The following MBD5 variants were observed in gnomAD, a reference collection of about 807,000 sequenced individuals.
MBD5 encodes methyl-CpG-binding domain protein 5.
Under a neutral mutation model 117.3 loss-of-function variants are expected in MBD5, and 13 were observed. The observed-to-expected ratio is 0.11, with a 90% CI of 0.07 to 0.18. The LOEUF is 0.18. Ranked by LOEUF, MBD5 falls within the 10% of genes least tolerant of loss-of-function variation. The probability of loss-of-function intolerance (pLI) is 1.00; values close to 1 mark genes in which losing one functional copy is unlikely to be tolerated. For synonymous variants in MBD5, 727 were observed against 766.4 expected (o/e 0.95, Z 0.85); for missense variants, 1,879 against 2,093.8 (o/e 0.90, Z 2.00).
intron 3 of MBD5, among the ~76,000 whole-genome samples, chr2:148,255,133 G>A (rs575466273): frequency 3.9e-5 from 6 of 152,316 alleles, no homozygotes; most frequent in Admixed American, 6.5e-5. Flanking sequence ...GTTAACCTAC[G>A]GTCAAAACGA....
At chr2:148,342,780 C>A (rs1407433936) in intron 4 of MBD5, among the ~76,000 whole-genome samples, 1 of 151,848 alleles carries the variant, frequency 6.6e-6, no homozygotes, top group Non-Finnish European at 1.5e-5. Context: ...TTCTCCTCAA[C>A]TTTTATTTTA....
chr2:148,307,473 G>A (rs1206414175), intron 3 of MBD5, among the ~76,000 whole-genome samples: 1 of 136,314 alleles, frequency 7.3e-6, no homozygotes, highest in Non-Finnish European at 1.6e-5. Context: ...TAAAACAACA[G>A]TCATCTTACT....
chr2:148,262,298 A>C (rs1314149806), intron 3 of MBD5, among the ~76,000 whole-genome samples: 1 of 152,134 alleles, frequency 6.6e-6, no homozygotes, highest in Admixed American at 6.6e-5. Flanking sequence ...AGATCAAGGA[A>C]TGTTTACCAG....
intron 4 of MBD5, among the ~76,000 whole-genome samples, chr2:148,436,627 C>T (rs1706164923): frequency 6.6e-6 from 1 of 152,160 alleles, no homozygotes; most frequent in Admixed American, 6.5e-5. Context: ...CTGCCTCAGC[C>T]TCCCAAAGTG....
At chr2:148,479,754 G>A (rs1337778651) in intron 8 of MBD5, among the ~76,000 whole-genome samples, 9 of 147,560 alleles carry the variant, frequency 6.1e-5, no homozygotes, top group African/African-American at 2.0e-4. Flanking sequence ...CTTCTGCATA[G>A]AGGCCCTTTA....
intron 4 of MBD5, among the ~76,000 whole-genome samples, chr2:148,377,950 G>T (rs1704037174): frequency 1.3e-5 from 2 of 152,118 alleles, no homozygotes; most frequent in East Asian, 1.9e-4. Context: ...TGAAATAAAA[G>T]TATCCATTTT....
At chr2:148,363,824 C>A (rs1339985445) in intron 4 of MBD5, among the ~76,000 whole-genome samples, 1 of 152,102 alleles carries the variant, frequency 6.6e-6, no homozygotes, top group Non-Finnish European at 1.5e-5. Context: ...CAAACAAACC[C>A]TCCAAGAAAT....
chr2:148,409,544 A>T (rs921320940), intron 4 of MBD5, among the ~76,000 whole-genome samples: 2 of 152,076 alleles, frequency 1.3e-5, no homozygotes, highest in African/African-American at 4.8e-5. Context: ...AGTGTTTTCT[A>T]AAAGTTATTC....
At chr2:148,169,148 C>G (rs1433464273) in intron 1 of MBD5, among the ~76,000 whole-genome samples, 1 of 151,958 alleles carries the variant, frequency 6.6e-6, no homozygotes, top group African/African-American at 2.4e-5. Flanking sequence ...TGCTATCCTT[C>G]TAAAAATTTT....
intron 11 of MBD5, among the ~76,000 whole-genome samples, chr2:148,492,204 T>A (rs1284897073): frequency 6.6e-6 from 1 of 151,922 alleles, no homozygotes; most frequent in Non-Finnish European, 1.5e-5. Context: ...AAAAATATTT[T>A]TCTTCACTTA....
chr2:148,460,916 T>C (rs1007604533), intron 5 of MBD5, among the ~76,000 whole-genome samples: 3 of 152,118 alleles, frequency 2.0e-5, no homozygotes, highest in African/African-American at 7.2e-5. Flanking sequence ...ACATGAAAAA[T>C]CAACAAGACA....
intron 3 of MBD5, among the ~76,000 whole-genome samples, chr2:148,320,035 G>A (rs1025957972): frequency 3.3e-5 from 5 of 152,042 alleles, no homozygotes; most frequent in African/African-American, 9.7e-5. Context: ...TTCTTAGTTC[G>A]TTTTGTGATG....
intron 3 of MBD5, chr2:148,296,046 T>C (rs906647220): frequency 3.5e-5 from 6 of 170,424 alleles, no homozygotes; most frequent in Admixed American, 6.5e-5. Flanking sequence ...ATATATTTTG[T>C]TCTATATCAC....
At chr2:148,501,005 A>G (rs1681855255) in intron 11 of MBD5, among the ~76,000 whole-genome samples, 1 of 152,190 alleles carries the variant, frequency 6.6e-6, no homozygotes, top group Non-Finnish European at 1.5e-5. Context: ...GTGAAGTGTT[A>G]TTGGAACAAA....
intron 3 of MBD5, among the ~76,000 whole-genome samples, chr2:148,253,201 T>C (rs1242916578): frequency 6.6e-6 from 1 of 152,200 alleles, no homozygotes; most frequent in African/African-American, 2.4e-5. Flanking sequence ...TCATCTTCAC[T>C]ACAGACTGAG....
In MBD5 at chr2:148,290,550, C is replaced by T. The variant is rs879685112; in HGVS notation, c.-679-51664C>T. On this transcript the variant is annotated intron_variant, in intron 3 of 13. Coordinates refer to ENST00000642680, the MANE Select transcript of MBD5 (RefSeq NM_001378120.1). ...CATACCTTAACTGACCTTCTGTTGA[C>T]TTATCAATACTAAGCCATTTAGTGA... Among the ~76,000 whole-genome samples the T allele has an allele frequency of 5.2e-4, 79 of 152,114 alleles. 1 individual carries two copies. Among genetic ancestry groups the T allele is most frequent in the African/African-American group, 1.9e-3 (77 of 41,424 alleles).
At chr2:148,297,891 C>A (rs1469546776) in intron 3 of MBD5, among the ~76,000 whole-genome samples, 3 of 152,320 alleles carry the variant, frequency 2.0e-5, no homozygotes, top group Non-Finnish European at 1.5e-5. Flanking sequence ...AAAGTCAGTT[C>A]TCTTGGGGAG....
Position 148,111,625 on chromosome 2 carries a change from A to G in MBD5, c.-924-67075A>G, listed in dbSNP as rs554519426. Among the ~76,000 whole-genome samples the G allele has an allele frequency of 9.8e-5, 15 of 152,330 alleles. No individual in the cohort carries two copies. The South Asian group carries it at 2.1e-3, about 21-fold the overall frequency. ...AATGTCCTGAATTTATCATTATATTATCACTATTATATGTGAGAATATCAT... is the reference window on the plus strand; with the variant it reads ...AATGTCCTGAATTTATCATTATATTGTCACTATTATATGTGAGAATATCAT... On this transcript the variant is annotated intron_variant, in intron 1 of 13. Coordinates refer to ENST00000642680, the MANE Select transcript of MBD5 (RefSeq NM_001378120.1).
At chr2:148,385,251 T>A (rs557189558) in intron 4 of MBD5, among the ~76,000 whole-genome samples, 3 of 151,984 alleles carry the variant, frequency 2.0e-5, no homozygotes, top group Admixed American at 2.0e-4. Flanking sequence ...TACAATGAAC[T>A]CAAACAAATT....
Sources: allele counts gnomAD v4.1 joint callset (sites outside exome capture counted in the v4.1 genomes callset), GRCh38; gene constraint gnomAD v4.1.1; transcripts MANE v1.5; gene names NCBI Gene and HGNC (gene_info 2026-07-23, HGNC 2026-07-21).